C16orf87: variants seen among roughly 807,000 people sequenced by gnomAD.
The protein encoded by C16orf87 is HDAC and MIER1 interacting protein 1, also known as UPF0547 protein C16orf87.
C16orf87 carries 13 observed loss-of-function variants against 21.0 expected under a neutral mutation model. The observed-to-expected ratio is 0.62, with a 90% CI of 0.40 to 0.98. The LOEUF is 0.98. C16orf87 is among the 50% of genes least tolerant of loss of function. The probability of loss-of-function intolerance (pLI) is 0.00; values close to 1 mark genes in which losing one functional copy is unlikely to be tolerated. For missense variants in C16orf87, 113 were observed against 180.4 expected (o/e 0.63, Z 2.14); for synonymous variants, 49 against 60.2 (o/e 0.81, Z 0.86).
chr16:46,815,873 A>G (rs1277844999), intron 2 of C16orf87, among the ~76,000 whole-genome samples: 1 of 152,212 alleles, frequency 6.6e-6, no homozygotes, highest in Non-Finnish European at 1.5e-5. Flanking sequence ...TAGAATCAAC[A>G]TATGATCCAG....
intron 2 of C16orf87, among the ~76,000 whole-genome samples, chr16:46,821,605 AC>A (rs2143143872): frequency 6.6e-6 from 1 of 152,160 alleles, no homozygotes; most frequent in South Asian, 2.1e-4. Context: ...GCTTCTTAAA[AC>A]TCATCGCCAT....
intron 2 of C16orf87, among the ~76,000 whole-genome samples, chr16:46,812,644 G>C (rs1339119926): frequency 6.6e-6 from 1 of 152,170 alleles, no homozygotes; most frequent in African/African-American, 2.4e-5. Context: ...GCCTATTAAA[G>C]TCTAACACTG....
At position 46,816,820 on chromosome 16, in the gene C16orf87, A is replaced by AT. The variant is rs201142065; in HGVS notation, c.164-7036dup. ...GAAACTGGGTAAGGTTTCCAGAAAGATTTTTTTCAAGGGAAGAAGCATAGC... is the reference window on the plus strand; with the variant it reads ...GAAACTGGGTAAGGTTTCCAGAAAGATTTTTTTTCAAGGGAAGAAGCATAGC... On this transcript the variant is annotated intron_variant, in intron 2 of 3. Coordinates refer to ENST00000285697, the MANE Select transcript of C16orf87 (RefSeq NM_001001436.4). Among the ~76,000 whole-genome samples, 1,510 of 152,198 alleles carry AT rather than the reference A, an allele frequency of 9.9e-3. 25 individuals carry two copies. The highest frequency in any genetic ancestry group is 0.035 in the African/African-American group (1,460 of 41,536).
At chr16:46,827,546 G>C (rs1420024716) in intron 1 of C16orf87, among the ~76,000 whole-genome samples, 2 of 151,966 alleles carry the variant, frequency 1.3e-5, no homozygotes, top group African/African-American at 4.8e-5. Context: ...TAGGTTGTTT[G>C]TATGTTTTAC....
intron 2 of C16orf87, among the ~76,000 whole-genome samples, chr16:46,822,500 A>C (rs1252260114): frequency 3.9e-5 from 6 of 152,144 alleles, no homozygotes; most frequent in Admixed American, 3.9e-4. Context: ...CATGAATCCT[A>C]TACAGCCAAC....
intron 1 of C16orf87, among the ~76,000 whole-genome samples, chr16:46,825,460 T>C (rs1596827628): frequency 1.3e-5 from 2 of 152,112 alleles, no homozygotes; most frequent in Admixed American, 6.5e-5. Flanking sequence ...TGTGGGTAGA[T>C]AGTAGGTGTA....
chr16:46,803,695 C>T lies in C16orf87; in HGVS notation c.347-625G>A, dbSNP rs193172998. ...ATCAAAGTTAAATGCATATAATTTA[C>T]AATCAAATCATTTTTATAAAACTTG... On this transcript the variant is annotated intron_variant, in intron 3 of 3. Transcript: ENST00000285697. Among the ~76,000 whole-genome samples, 1,086 of 150,692 alleles carry T rather than the reference C, an allele frequency of 7.2e-3. 7 individuals are homozygous for T. The highest frequency in any genetic ancestry group is 0.01 in the Non-Finnish European group (710 of 67,656).
rs1016481920 is a variant in C16orf87 at position 46,797,357 on chromosome 16, A to C, written c.*5595T>G. On this transcript the variant is annotated 3_prime_UTR_variant, in exon 4 of 4. Transcript: ENST00000285697. Reference sequence around the variant, plus strand: ...CTGATGAGTCTTATTTTTTATTTTTATTTTTTGAGACACAGTGTCTAGCTC... The same window carrying C: ...CTGATGAGTCTTATTTTTTATTTTTCTTTTTTGAGACACAGTGTCTAGCTC... The C allele has an allele frequency of 6.6e-6, 1 of 151,952 alleles. No individual in the cohort carries two copies. Among genetic ancestry groups the C allele is most frequent in the Non-Finnish European group, 1.5e-5 (1 of 67,988 alleles). 9.4% of individuals were successfully genotyped at this position (151,952 alleles called of 1,614,324 possible). A position where few individuals can be genotyped will look rare whatever the true frequency, so the allele number is the denominator to read the frequency against.
At chr16:46,830,074 T>A (rs1959782555) in intron 1 of C16orf87, among the ~76,000 whole-genome samples, 1 of 152,080 alleles carries the variant, frequency 6.6e-6, no homozygotes, top group South Asian at 2.1e-4. Context: ...ACTGAAGTAG[T>A]TTTAACTCAT....
chr16:46,818,970 C>T (rs1226390421), intron 2 of C16orf87, among the ~76,000 whole-genome samples: 1 of 152,252 alleles, frequency 6.6e-6, no homozygotes, highest in Non-Finnish European at 1.5e-5. Flanking sequence ...TTCATCCTCT[C>T]CATAGGGCAT....
At chr16:46,818,315 T>C (rs1417583742) in intron 2 of C16orf87, among the ~76,000 whole-genome samples, 1 of 152,214 alleles carries the variant, frequency 6.6e-6, no homozygotes, top group Non-Finnish European at 1.5e-5. Context: ...TAATCATTTC[T>C]CCATTTTTTT....
At chr16:46,823,480 T>C (rs1280870093) in intron 2 of C16orf87, among the ~76,000 whole-genome samples, 10 of 152,214 alleles carry the variant, frequency 6.6e-5, no homozygotes, top group Admixed American at 4.6e-4. Flanking sequence ...AATATGTCTA[T>C]TGAATAAATC....
rs1166455326 is a variant in C16orf87 at position 46,800,499 on chromosome 16, AC to A, written c.*2452del. On this transcript the variant is annotated 3_prime_UTR_variant, in exon 4 of 4. Coordinates refer to ENST00000285697, the MANE Select transcript of C16orf87 (RefSeq NM_001001436.4). ...CATGGAGTTGAGGCAGGGAGTAACAACTCTCAAACTACTTTTATTTAATCTT... is the reference window on the plus strand; with the variant it reads ...CATGGAGTTGAGGCAGGGAGTAACAATCTCAAACTACTTTTATTTAATCTT... 1 of 152,162 alleles carries A rather than the reference AC, an allele frequency of 6.6e-6. No individual in the cohort carries two copies. Among genetic ancestry groups the A allele is most frequent in the Non-Finnish European group, 1.5e-5 (1 of 68,028 alleles). The allele number at this position is 152,162 out of a possible 1,614,324, so 9.4% of individuals were successfully genotyped here. A position where few individuals can be genotyped will look rare whatever the true frequency, so the allele number is the denominator to read the frequency against.
At chr16:46,824,582 A>T (rs1221199734) in intron 1 of C16orf87, 100 bp from the exon 2 acceptor site, 7 of 505,866 alleles carry the variant, frequency 1.4e-5, no homozygotes, top group Non-Finnish European at 2.1e-5. Flanking sequence ...AATTACTTGA[A>T]GGAGGAATCA....
chr16:46,817,424 C>T (rs1310280088), intron 2 of C16orf87, among the ~76,000 whole-genome samples: 2 of 152,068 alleles, frequency 1.3e-5, no homozygotes, highest in East Asian at 3.9e-4. Context: ...CAGTGGCTCA[C>T]CCCTGTAATT....
At chr16:46,804,302 G>GGA (rs1967859867) in intron 3 of C16orf87, among the ~76,000 whole-genome samples, 1 of 152,166 alleles carries the variant, frequency 6.6e-6, no homozygotes, top group South Asian at 2.1e-4. Flanking sequence ...GCATCATGCT[G>GGA]GAGACTCTCA....
rs1473846302 is a variant in C16orf87 at position 46,799,458 on chromosome 16, T to C, written c.*3494A>G. 6.6e-6 allele frequency: 1 copy of C among 152,152 alleles called. No homozygotes were observed. The highest frequency in any genetic ancestry group is 1.5e-5 in the Non-Finnish European group (1 of 68,026). The allele number at this position is 152,152 out of a possible 1,614,324, so 9.4% of individuals were successfully genotyped here. On this transcript the variant is annotated 3_prime_UTR_variant, in exon 4 of 4. Coordinates refer to ENST00000285697, the MANE Select transcript of C16orf87 (RefSeq NM_001001436.4). ...GTTAACAACAATATGCCTTAAAGGC[T>C]AGAAAGACAGAAAATACTAGGGAAA...
At chr16:46,830,781 T>C in intron 1 of C16orf87, 1 of 272,748 alleles carries the variant, frequency 3.7e-6, no homozygotes, top group Non-Finnish European at 6.8e-6. Context: ...GCGAGGAGAG[T>C]CTGGGGCTCC....
At chr16:46,817,695 TAAAG>T (rs560748625) in intron 2 of C16orf87, among the ~76,000 whole-genome samples, 161 of 151,024 alleles carry the variant, frequency 1.1e-3, no homozygotes, top group South Asian at 4.4e-3. Flanking sequence ...CTCAAAAAAA[TAAAG>T]AAAGAAAGAA....
Sources: allele counts gnomAD v4.1 joint callset (sites outside exome capture counted in the v4.1 genomes callset), GRCh38; gene constraint gnomAD v4.1.1; transcripts MANE v1.5; gene names NCBI Gene and HGNC (gene_info 2026-07-23, HGNC 2026-07-21).